The following DMD variants were observed in gnomAD, a reference collection of about 807,000 sequenced individuals.
The protein encoded by DMD is mutant dystrophin.
A neutral mutation model predicts 330.1 loss-of-function variants in DMD; 63 were observed. That is an observed-to-expected ratio of 0.19 (90% confidence interval 0.16 to 0.24). DMD has a LOEUF of 0.24. Among genes scored for constraint, DMD ranks in the 10% least tolerant of loss-of-function variants. DMD has a pLI of 1.00. For missense variants in DMD, 3,344 were observed against 2,684.1 expected, an observed-to-expected ratio of 1.25 and a Z score of -5.43; for synonymous variants, 1,223 against 959.8, an observed-to-expected ratio of 1.27 and a Z score of -5.07.
intron 53 of DMD, 133 bp from the exon 54 acceptor site, chrX:31,658,277 C>T (rs1336872390): frequency 2.2e-5 from 16 of 728,058 alleles, no homozygotes; most frequent in Non-Finnish European, 3.1e-5. Context: ...TGCTTTTAAC[C>T]TACCATATGA....
At chrX:32,467,175 G>C (rs1016771056) in intron 23 of DMD, among the ~76,000 whole-genome samples, 6 of 112,171 alleles carry the variant, frequency 5.3e-5, no homozygotes. Context: ...GTTTGTAAAA[G>C]GTAAGCACAA....
rs758585354 is a variant in DMD, at chrX:32,130,926, C to A, written c.6438+85990G>T. Among the ~76,000 whole-genome samples the A allele has an allele frequency of 2.7e-5, 3 of 111,876 alleles. No individual in the cohort carries two copies. The South Asian group carries it at 1.1e-3, about 42-fold the overall frequency. On this transcript the variant is annotated intron_variant, in intron 44 of 78. Transcript: ENST00000357033. Reference sequence around the variant, plus strand: ...AATGCCAGGTGCGCTGGCTCATGCCCGTAATCCCAGCACTTTGGGAGGCCG... The same window carrying A: ...AATGCCAGGTGCGCTGGCTCATGCCAGTAATCCCAGCACTTTGGGAGGCCG...
chrX:32,613,791 T>C (rs1184216250), intron 12 of DMD, among the ~76,000 whole-genome samples: 11 of 111,717 alleles, frequency 9.8e-5, no homozygotes, highest in African/African-American at 3.2e-4. Context: ...CTATGCTGTA[T>C]TTTTTAAAAA....
intron 65 of DMD, among the ~76,000 whole-genome samples, chrX:31,207,460 T>A (rs963261057): frequency 2.9e-4 from 32 of 111,979 alleles, no homozygotes; most frequent in African/African-American, 1.0e-3. Flanking sequence ...TTCCATTTTG[T>A]AGAAAATGTC....
intron 1 of DMD, among the ~76,000 whole-genome samples, chrX:33,237,204 C>T (rs2052502712): frequency 1.3e-5 from 1 of 79,962 alleles, no homozygotes. Flanking sequence ...TCCCTCCCTT[C>T]CTCCCTTCCT....
At chrX:31,168,138 GC>G (rs1355470619) in intron 74 of DMD, among the ~76,000 whole-genome samples, 1 of 111,818 alleles carries the variant, frequency 8.9e-6, no homozygotes, top group African/African-American at 3.3e-5. Context: ...TGAGACTCAA[GC>G]TTGAGCTTGA....
chrX:32,886,670 A>G (rs1003152056), intron 2 of DMD, among the ~76,000 whole-genome samples: 7 of 111,007 alleles, frequency 6.3e-5, no homozygotes, highest in East Asian at 2.9e-4. Flanking sequence ...GCGACAGAGC[A>G]AGACTCCGTC....
At chrX:32,991,748 T>G (rs901658889) in intron 2 of DMD, among the ~76,000 whole-genome samples, 2 of 111,904 alleles carry the variant, frequency 1.8e-5, no homozygotes, top group African/African-American at 6.5e-5. Context: ...GTTTTATGAC[T>G]TAAAAAAATG....
chrX:32,208,557 A>C (rs2097080812), intron 44 of DMD, among the ~76,000 whole-genome samples: 1 of 111,465 alleles, frequency 9.0e-6, no homozygotes, highest in African/African-American at 3.3e-5. Context: ...GAGGACTGTC[A>C]ATTAGGGGGC....
chrX:31,945,112 A>C (rs1388625282), intron 45 of DMD, among the ~76,000 whole-genome samples: 1 of 111,675 alleles, frequency 9.0e-6, no homozygotes, highest in Non-Finnish European at 1.9e-5. Context: ...AATCTCTGTG[A>C]TATGCTAGGC....
chrX:32,225,186 T>C (rs1362392630), intron 43 of DMD, among the ~76,000 whole-genome samples: 3 of 112,308 alleles, frequency 2.7e-5, no homozygotes, highest in Non-Finnish European at 5.6e-5. Context: ...TAGATAAAGA[T>C]CTTGAGAACA....
chrX:32,196,960 TG>T lies in DMD; in HGVS notation c.6438+19955del, dbSNP rs375813952. 5.9e-3 allele frequency among the ~76,000 whole-genome samples: 467 copies of T among 78,829 alleles called. 4 individuals carry two copies. Among genetic ancestry groups the T allele is most frequent in the Non-Finnish European group, 6.9e-3 (309 of 44,922 alleles). The allele number at this position is 78,829 out of a possible 115,157, so 68.5% of individuals were successfully genotyped here. On this transcript the variant is annotated intron_variant, in intron 44 of 78. Transcript: ENST00000357033. Reference sequence around the variant, plus strand: ...AAGATCGCGCCACTGTACTCCAGCCTGGGGTGACAGAGCGAGACTCCATCTC... The same window carrying T: ...AAGATCGCGCCACTGTACTCCAGCCTGGGTGACAGAGCGAGACTCCATCTC...
chrX:32,133,096 T>G (rs2146950628), intron 44 of DMD, among the ~76,000 whole-genome samples: 1 of 104,743 alleles, frequency 9.5e-6, no homozygotes, highest in African/African-American at 3.6e-5. Flanking sequence ...GCAACCTCTG[T>G]CTCCTAGGTA....
At chrX:33,138,136 T>C (rs1431518107) in intron 1 of DMD, among the ~76,000 whole-genome samples, 3 of 111,894 alleles carry the variant, frequency 2.7e-5, no homozygotes, top group African/African-American at 6.5e-5. Context: ...AGTACAGTAC[T>C]GAGAGAAAAT....
At chrX:31,363,688 T>A (rs2059088188) in intron 60 of DMD, among the ~76,000 whole-genome samples, 1 of 112,128 alleles carries the variant, frequency 8.9e-6, no homozygotes, top group Non-Finnish European at 1.9e-5. Flanking sequence ...AAGACATGTA[T>A]CTTTATAGAG....
intron 64 of DMD, among the ~76,000 whole-genome samples, chrX:31,214,938 T>TTTTCTC (rs2045218484): frequency 8.3e-5 from 2 of 24,074 alleles, no homozygotes; most frequent in Non-Finnish European, 1.5e-4. Flanking sequence ...TTCTTTTTTC[T>TTTTCTC]TTTTTTTTTT....
chrX:32,083,958 C>A (rs776254803), intron 44 of DMD, among the ~76,000 whole-genome samples: 2 of 112,498 alleles, frequency 1.8e-5, no homozygotes, highest in Non-Finnish European at 3.8e-5. Flanking sequence ...CATAAACCTG[C>A]TTTATTCTCT....
At chrX:31,955,975 C>T (rs1304002782) in intron 45 of DMD, among the ~76,000 whole-genome samples, 1 of 112,423 alleles carries the variant, frequency 8.9e-6, no homozygotes, top group African/African-American at 3.2e-5. Flanking sequence ...ATTTTGAATG[C>T]CCATTGCAGT....
At chrX:32,533,469 C>T (rs1368344527) in intron 17 of DMD, among the ~76,000 whole-genome samples, 1 of 111,767 alleles carries the variant, frequency 8.9e-6, no homozygotes, top group Non-Finnish European at 1.9e-5. Context: ...CTTCCCTACT[C>T]TTTAATTATC....
Sources: gnomAD v4.1 joint callset for allele counts (sites outside exome capture counted in the v4.1 genomes callset) on GRCh38, gnomAD v4.1.1 for gene constraint, MANE v1.5 for transcripts, NCBI Gene and HGNC (gene_info 2026-07-23, HGNC 2026-07-21) for gene names.